DOCK3: variants seen among roughly 807,000 people sequenced by gnomAD.
DOCK3 encodes dedicator of cytokinesis 3.
Under a neutral mutation model 265.6 loss-of-function variants are expected in DOCK3, and 60 were observed. The ratio of observed to expected loss-of-function variants is 0.23; its 90% CI spans 0.18 to 0.28. DOCK3 has a LOEUF of 0.28. DOCK3 is among the 10% of genes least tolerant of loss of function. The pLI is 1.00. For synonymous variants in DOCK3, 881 were observed against 938.0 expected (o/e 0.94, Z 1.11); for missense variants, 1,981 against 2,594.3 (o/e 0.76, Z 5.14).
intron 5 of DOCK3, among the ~76,000 whole-genome samples, chr3:51,022,861 T>C (rs997394572): frequency 6.6e-6 from 1 of 152,202 alleles, no homozygotes; most frequent in African/African-American, 2.4e-5. Flanking sequence ...TTTTTGTATA[T>C]GGTGAGAGGT....
At chr3:51,187,032 C>T (rs2087648976) in intron 12 of DOCK3, among the ~76,000 whole-genome samples, 1 of 152,200 alleles carries the variant, frequency 6.6e-6, no homozygotes, top group Admixed American at 6.5e-5. Context: ...AAGAGGGCCA[C>T]CATCCTCCAG....
chr3:50,873,428 A>T (rs1215314992), intron 3 of DOCK3, among the ~76,000 whole-genome samples: 1 of 152,122 alleles, frequency 6.6e-6, no homozygotes, highest in African/African-American at 2.4e-5. Flanking sequence ...ATGCCAGACA[A>T]AGTCTTCTTC....
intron 1 of DOCK3, among the ~76,000 whole-genome samples, chr3:50,770,803 G>A (rs1002230672): frequency 1.3e-5 from 2 of 152,140 alleles, no homozygotes; most frequent in African/African-American, 2.4e-5. Flanking sequence ...TTAGAGTTAA[G>A]GTTAACACAG....
intron 2 of DOCK3, among the ~76,000 whole-genome samples, chr3:50,820,668 G>A (rs1392916458): frequency 6.6e-6 from 1 of 152,064 alleles, no homozygotes; most frequent in Non-Finnish European, 1.5e-5. Flanking sequence ...AGAATGATTT[G>A]TTTTCTTTTG....
intron 1 of DOCK3, among the ~76,000 whole-genome samples, chr3:50,680,092 A>G (rs982964363): frequency 1.3e-5 from 2 of 152,186 alleles, no homozygotes; most frequent in Non-Finnish European, 2.9e-5. Flanking sequence ...TCTGAAAGGA[A>G]TTGTCAGTAG....
chr3:51,039,322 C>T (rs2080391385), intron 5 of DOCK3, among the ~76,000 whole-genome samples: 1 of 152,064 alleles, frequency 6.6e-6, no homozygotes, highest in Non-Finnish European at 1.5e-5. Flanking sequence ...TTCTAGTTTG[C>T]CTCCAGTTTT....
At chr3:50,888,074 C>CTGTTTGCAGATGACA (rs1438095278) in intron 3 of DOCK3, among the ~76,000 whole-genome samples, 4 of 152,140 alleles carry the variant, frequency 2.6e-5, no homozygotes, top group Non-Finnish European at 4.4e-5. Context: ...CAAATTGTCC[C>CTGTTTGCAGATGACA]TGTTTGCAGA....
At chr3:51,099,224 G>A (rs2082986390) in intron 9 of DOCK3, among the ~76,000 whole-genome samples, 1 of 152,216 alleles carries the variant, frequency 6.6e-6, no homozygotes, top group Non-Finnish European at 1.5e-5. Context: ...AAGCATTAAA[G>A]TGAAAGTCTT....
intron 27 of DOCK3, among the ~76,000 whole-genome samples, chr3:51,283,387 C>G (rs979505193): frequency 2.0e-5 from 3 of 152,186 alleles, no homozygotes; most frequent in African/African-American, 7.2e-5. Context: ...TTCACCAACT[C>G]TGGGAGGGGA....
intron 37 of DOCK3, among the ~76,000 whole-genome samples, chr3:51,340,583 GAACT>G (rs1265310186): frequency 1.3e-5 from 2 of 152,188 alleles, no homozygotes; most frequent in Non-Finnish European, 2.9e-5. Flanking sequence ...ACAGAAGCTA[GAACT>G]AACTAACTTG....
intron 9 of DOCK3, among the ~76,000 whole-genome samples, chr3:51,108,090 G>C (rs1480958337): frequency 6.6e-6 from 1 of 151,334 alleles, no homozygotes; most frequent in African/African-American, 2.4e-5. Flanking sequence ...CCAGGCTGGA[G>C]TGCAGTGTCA....
At chr3:50,900,921 G>T (rs1293065764) in intron 4 of DOCK3, 1 of 432,744 alleles carries the variant, frequency 2.3e-6, no homozygotes, top group Admixed American at 2.6e-5. Flanking sequence ...CTCCCTGTTG[G>T]GAGGTGTCTC....
intron 5 of DOCK3, among the ~76,000 whole-genome samples, chr3:51,005,435 C>G (rs1169921068): frequency 1.3e-5 from 2 of 152,152 alleles, no homozygotes; most frequent in African/African-American, 4.8e-5. Context: ...ATATTGCTTC[C>G]TTGAACTTCC....
At chr3:50,774,639 G>A (rs2041482400) in intron 1 of DOCK3, among the ~76,000 whole-genome samples, 1 of 151,858 alleles carries the variant, frequency 6.6e-6, no homozygotes, top group Non-Finnish European at 1.5e-5. Flanking sequence ...CAGACCTGCT[G>A]ATAAAGACAA....
intron 5 of DOCK3, among the ~76,000 whole-genome samples, chr3:51,009,581 T>C (rs1372789839): frequency 1.3e-5 from 2 of 152,186 alleles, no homozygotes; most frequent in Non-Finnish European, 2.9e-5. Flanking sequence ...CCTGGATTCA[T>C]TGAATTTTTG....
chr3:51,127,636 AAAG>A (rs1191488179), intron 9 of DOCK3, among the ~76,000 whole-genome samples: 1 of 152,250 alleles, frequency 6.6e-6, no homozygotes, highest in African/African-American at 2.4e-5. Flanking sequence ...GTTTTTAACA[AAAG>A]AAGGAGGAAA....
chr3:50,913,137 G>A (rs776747023), intron 4 of DOCK3, among the ~76,000 whole-genome samples: 7 of 152,102 alleles, frequency 4.6e-5, no homozygotes, highest in Non-Finnish European at 1.0e-4. Flanking sequence ...GTGTTTATTC[G>A]TGGCCCGAGG....
chr3:51,213,446 T>A (rs1191924280), intron 13 of DOCK3, among the ~76,000 whole-genome samples: 2 of 151,648 alleles, frequency 1.3e-5, no homozygotes, highest in Non-Finnish European at 2.9e-5. Context: ...ACTCCAAGGG[T>A]GTAAGTAGTG....
chr3:50,828,454 G>GA (rs1289229785), intron 2 of DOCK3, among the ~76,000 whole-genome samples: 2 of 151,956 alleles, frequency 1.3e-5, no homozygotes. Flanking sequence ...ACCCAGGCTG[G>GA]AGTACAGTGG....
Sources: allele counts gnomAD v4.1 joint callset (sites outside exome capture counted in the v4.1 genomes callset), GRCh38; gene constraint gnomAD v4.1.1; transcripts MANE v1.5; gene names NCBI Gene and HGNC (gene_info 2026-07-23, HGNC 2026-07-21).